Variants in SLC44A5 observed in about 807,000 individuals in gnomAD.
SLC44A5 encodes the protein choline transporter-like protein 5.
A neutral mutation model predicts 101.8 loss-of-function variants in SLC44A5; 57 were observed. The ratio of observed to expected loss-of-function variants is 0.56; its 90% confidence interval spans 0.45 to 0.70. The LOEUF (loss-of-function observed/expected upper bound fraction) is 0.70, where lower values mean the gene tolerates loss of function less well. Ranked by LOEUF, SLC44A5 falls within the 30% of genes least tolerant of loss-of-function variation. SLC44A5 has a pLI of 0.00. For synonymous variants in SLC44A5, 281 were observed against 290.9 expected (o/e 0.97, Z 0.35); for missense variants, 737 against 853.1 (o/e 0.86, Z 1.70).
At chr1:75,488,044 A>C (rs1020226918) in intron 2 of SLC44A5, among the ~76,000 whole-genome samples, 2 of 152,182 alleles carry the variant, frequency 1.3e-5, no homozygotes, top group Admixed American at 1.3e-4. Flanking sequence ...TTCTTATGAG[A>C]ATCTAATGCC....
intron 4 of SLC44A5, among the ~76,000 whole-genome samples, chr1:75,316,263 T>A (rs1336130171): frequency 6.6e-6 from 1 of 152,242 alleles, no homozygotes; most frequent in African/African-American, 2.4e-5. Flanking sequence ...GCATTTGATG[T>A]ATTTTACCTG....
intron 13 of SLC44A5, among the ~76,000 whole-genome samples, chr1:75,224,288 C>T (rs1647150962): frequency 6.6e-6 from 1 of 152,146 alleles, no homozygotes; most frequent in South Asian, 2.1e-4. Flanking sequence ...ATGCTTGATG[C>T]TAATAATGAA....
chr1:75,230,698 C>A (rs1339158935), intron 12 of SLC44A5, among the ~76,000 whole-genome samples: 1 of 152,020 alleles, frequency 6.6e-6, no homozygotes, highest in Admixed American at 6.6e-5. Flanking sequence ...TTCACTGCAA[C>A]CTCCTCCTCC....
intron 2 of SLC44A5, among the ~76,000 whole-genome samples, chr1:75,493,329 T>C (rs1397466680): frequency 6.6e-6 from 1 of 152,216 alleles, no homozygotes; most frequent in Admixed American, 6.5e-5. Flanking sequence ...GTATTTAACC[T>C]TTACATGTCC....
chr1:75,396,606 G>T lies in SLC44A5; in HGVS notation c.29C>A (p.Thr10Asn), dbSNP rs911788056. The T allele has an allele frequency of 1.9e-6, 3 of 1,612,780 alleles. No individual in the cohort carries two copies. In the Admixed American group the frequency reaches 5.0e-5, roughly 27 times the overall value. ...ACCAAAGTCCTCTTCCTCAGAGGGA[G>T]TATCTGCTGGTTTTTCTAGGAAAAA... Reference protein sequence around the residue: MNDTEKPADTPSEEEDFGDP... With the variant: MNDTEKPADNPSEEEDFGDP... Residue 10 changes from threonine to asparagine, a missense_variant, in exon 3 of 24, where the codon ACT becomes AAT. Transcript: ENST00000370859.
At chr1:75,716,174 A>C in the SLC44A5 span, among the ~76,000 whole-genome samples, 4 of 152,224 alleles carry the variant, frequency 2.6e-5, no homozygotes, top group Admixed American at 6.5e-5. Flanking sequence ...GATGCTGGCA[A>C]GGTTGTGGAG....
At chr1:75,291,360 T>C (rs1351478785) in intron 5 of SLC44A5, among the ~76,000 whole-genome samples, 1 of 152,204 alleles carries the variant, frequency 6.6e-6, no homozygotes, top group African/African-American at 2.4e-5. Flanking sequence ...TTAAAGTGCT[T>C]CCTCTGTGTC....
the SLC44A5 span, among the ~76,000 whole-genome samples, chr1:75,633,071 T>C: frequency 6.6e-6 from 1 of 152,220 alleles, no homozygotes; most frequent in Admixed American, 6.5e-5. Flanking sequence ...TTTAAATCCC[T>C]AGTATTCAGC....
intron 3 of SLC44A5, among the ~76,000 whole-genome samples, chr1:75,372,171 T>C (rs951883910): frequency 8.1e-6 from 1 of 123,236 alleles, no homozygotes; most frequent in African/African-American, 3.2e-5. Context: ...CACTCTAAAC[T>C]GGGTGACAGA....
At chr1:75,412,322 A>T (rs1032142600) in intron 2 of SLC44A5, among the ~76,000 whole-genome samples, 7 of 152,156 alleles carry the variant, frequency 4.6e-5, no homozygotes, top group African/African-American at 1.7e-4. Flanking sequence ...GATAAGTTCC[A>T]TCACAACATA....
intron 18 of SLC44A5, among the ~76,000 whole-genome samples, chr1:75,217,104 T>C (rs1344972767): frequency 1.3e-5 from 2 of 152,090 alleles, no homozygotes; most frequent in African/African-American, 4.8e-5. Context: ...AGGTCTTTGA[T>C]CCATTTTTAG....
intron 2 of SLC44A5, among the ~76,000 whole-genome samples, chr1:75,535,033 T>C (rs887385453): frequency 7.9e-5 from 12 of 151,466 alleles, no homozygotes; most frequent in Admixed American, 2.6e-4. Context: ...TCTATCTTGA[T>C]TAACTCTCAT....
At chr1:75,406,340 G>T (rs1362707856) in intron 2 of SLC44A5, among the ~76,000 whole-genome samples, 2 of 152,130 alleles carry the variant, frequency 1.3e-5, no homozygotes, top group South Asian at 2.1e-4. Flanking sequence ...GAAATAGAGG[G>T]AATCCTCTGT....
chr1:75,300,523 G>T, intron 5 of SLC44A5, 89 bp downstream of exon 5: 1 of 841,590 alleles, frequency 1.2e-6, no homozygotes. Flanking sequence ...AAGGCTTTTG[G>T]AAGACAATAA....
rs373542619 is a variant in SLC44A5 at position 75,368,674 on chromosome 1, A to ACCG, written c.52+27908_52+27909insCGG. Among the ~76,000 whole-genome samples, 805 of 148,358 alleles carry ACCG rather than the reference A, an allele frequency of 5.4e-3. 5 individuals carry two copies. The highest frequency in any genetic ancestry group is 0.02 in the African/African-American group (772 of 39,026). The stretch of plus-strand genomic sequence containing the variant: ...ACACACACACACACACACACACACC[A>ACCG]CACTCAAATTGGTATTCTGAATGCT... On this transcript the variant is annotated intron_variant, in intron 3 of 23. Coordinates refer to ENST00000370859, the MANE Select transcript of SLC44A5 (RefSeq NM_001130058.2).
chr1:75,244,149 G>A (rs1046866748), intron 7 of SLC44A5, among the ~76,000 whole-genome samples: 3 of 151,960 alleles, frequency 2.0e-5, no homozygotes, highest in Admixed American at 6.6e-5. Context: ...ATTACCCAGC[G>A]TCAGGTATTC....
chr1:75,217,191 A>C (rs539896734), intron 18 of SLC44A5, among the ~76,000 whole-genome samples: 1 of 152,184 alleles, frequency 6.6e-6, no homozygotes, highest in Non-Finnish European at 1.5e-5. Context: ...TCCCAGCACC[A>C]TTAGTTGAAA....
chr1:75,551,097 G>T (rs1341707187), intron 1 of SLC44A5, among the ~76,000 whole-genome samples: 4 of 152,028 alleles, frequency 2.6e-5, no homozygotes, highest in African/African-American at 7.2e-5. Context: ...TATAATCTTT[G>T]TTTTAATTAC....
At chr1:75,237,872 T>A (rs1344488385) in intron 10 of SLC44A5, among the ~76,000 whole-genome samples, 1 of 150,168 alleles carries the variant, frequency 6.7e-6, no homozygotes, top group African/African-American at 2.4e-5. Context: ...TTTTAGAATA[T>A]CTTTTTTATC....
Sources: allele counts gnomAD v4.1 joint callset (sites outside exome capture counted in the v4.1 genomes callset), GRCh38; gene constraint gnomAD v4.1.1; transcripts MANE v1.5; gene names NCBI Gene and HGNC (gene_info 2026-07-23, HGNC 2026-07-21).